SEMA3A: variants seen among roughly 807,000 people sequenced by gnomAD.
SEMA3A encodes the protein semaphorin-3A.
SEMA3A carries 29 observed loss-of-function variants against 97.9 expected under a neutral mutation model. The ratio of observed to expected loss-of-function variants is 0.30; its 90% CI spans 0.22 to 0.40. The LOEUF (loss-of-function observed/expected upper bound fraction) is 0.40. Ranked by LOEUF, SEMA3A falls within the 10% of genes least tolerant of loss-of-function variation. The pLI is 1.00. For synonymous variants in SEMA3A, 321 were observed against 323.7 expected, an observed-to-expected ratio of 0.99 and a Z score of 0.09; for missense variants, 763 against 951.3, an observed-to-expected ratio of 0.80 and a Z score of 2.60.
At chr7:84,354,754 A>G (rs1034932018) in intron 2 of SEMA3A, among the ~76,000 whole-genome samples, 1 of 151,654 alleles carries the variant, frequency 6.6e-6, no homozygotes, top group Non-Finnish European at 1.5e-5. Context: ...TGAATTACAA[A>G]TGTCATATTT....
At chr7:84,288,688 A>G (rs1800657590) in intron 3 of SEMA3A, among the ~76,000 whole-genome samples, 1 of 151,960 alleles carries the variant, frequency 6.6e-6, no homozygotes, top group African/African-American at 2.4e-5. Context: ...ACACAGCAAG[A>G]CTCCATCAAA....
At chr7:84,017,434 G>C (rs1263148741) in intron 6 of SEMA3A, among the ~76,000 whole-genome samples, 1 of 152,052 alleles carries the variant, frequency 6.6e-6, no homozygotes, top group African/African-American at 2.4e-5. Context: ...CCAAAAAATA[G>C]AAGTATGCAC....
intron 1 of SEMA3A, among the ~76,000 whole-genome samples, chr7:84,443,959 T>C (rs1805339431): frequency 6.9e-6 from 1 of 143,904 alleles, no homozygotes; most frequent in Admixed American, 7.3e-5. Flanking sequence ...TGATCTTGGC[T>C]CCCTTCAACC....
At chr7:84,049,835 G>T (rs1792529840) in intron 5 of SEMA3A, among the ~76,000 whole-genome samples, 1 of 148,362 alleles carries the variant, frequency 6.7e-6, no homozygotes, top group African/African-American at 2.5e-5. Context: ...TCTAGCATTA[G>T]GTATATCTCC....
intron 2 of SEMA3A, among the ~76,000 whole-genome samples, chr7:84,365,988 G>A (rs2372453): frequency 6.6e-6 from 1 of 150,944 alleles, no homozygotes; most frequent in East Asian, 1.9e-4. Context: ...AAAAAAAGTG[G>A]AGACACTACT....
intron 6 of SEMA3A, among the ~76,000 whole-genome samples, chr7:84,017,694 T>A (rs1428595751): frequency 6.6e-6 from 1 of 152,164 alleles, no homozygotes; most frequent in Non-Finnish European, 1.5e-5. Flanking sequence ...CACCACACAT[T>A]TTCTACTTCT....
intron 1 of SEMA3A, among the ~76,000 whole-genome samples, chr7:84,184,490 C>T (rs1299544323): frequency 6.6e-6 from 1 of 151,968 alleles, no homozygotes; most frequent in Non-Finnish European, 1.5e-5. Context: ...TTCCCATATC[C>T]CAAAACGAGA....
At chr7:84,143,481 T>C (rs1796359760) in intron 1 of SEMA3A, among the ~76,000 whole-genome samples, 1 of 140,578 alleles carries the variant, frequency 7.1e-6, no homozygotes, top group South Asian at 2.3e-4. Context: ...TCATAGAGAT[T>C]GCATCCATAG....
At chr7:83,998,762 A>G (rs1790321001) in intron 12 of SEMA3A, among the ~76,000 whole-genome samples, 1 of 152,048 alleles carries the variant, frequency 6.6e-6, no homozygotes, top group African/African-American at 2.4e-5. Context: ...ATAAATTATT[A>G]TTATTTTTAA....
chr7:83,963,362 G>C lies in SEMA3A; in HGVS notation c.1718-15C>G. 6.3e-7 allele frequency: 1 copy of C among 1,598,780 alleles called. No individual in the cohort carries two copies. Among genetic ancestry groups the C allele is most frequent in the Non-Finnish European group, 8.5e-7 (1 of 1,170,746 alleles). ...ATGGTGATTATCTGGCCAGTGATGA[G>C]AAAATGCAATGAGAAAATATTAGAG... On this transcript the variant is annotated splice_polypyrimidine_tract_variant and intron_variant, in intron 15 of 16. Transcript: ENST00000265362.
At chr7:84,306,072 A>T (rs1019992320) in intron 3 of SEMA3A, among the ~76,000 whole-genome samples, 2 of 151,906 alleles carry the variant, frequency 1.3e-5, no homozygotes, top group African/African-American at 2.4e-5. Context: ...TATATTTCCC[A>T]TAAAAGAATC....
rs554107774 is a variant in SEMA3A at position 84,097,395 on chromosome 7, G to A, written c.453+13075C>T. Among the ~76,000 whole-genome samples, 9 of 152,186 alleles carry A rather than the reference G, an allele frequency of 5.9e-5. No homozygotes were observed. In the South Asian group the frequency reaches 1.5e-3, roughly 25 times the overall value. ...GTGTACATGCATAGTGAATAGATAA[G>A]TATTTTTTAATCACAACAAAAATAC... On this transcript the variant is annotated intron_variant, in intron 4 of 16. Transcript: ENST00000265362.
At chr7:84,239,762 G>A (rs1421955305) in intron 3 of SEMA3A, among the ~76,000 whole-genome samples, 1 of 151,996 alleles carries the variant, frequency 6.6e-6, no homozygotes, top group African/African-American at 2.4e-5. Context: ...ACCATCTTTG[G>A]AGGCCATCTT....
At position 84,066,237 on chromosome 7, in the gene SEMA3A, C is replaced by G. The variant is rs754910906; in HGVS notation, c.454-5679G>C. Among the ~76,000 whole-genome samples the G allele has an allele frequency of 9.5e-3, 1,440 of 152,082 alleles. 16 individuals carry two copies. The highest frequency in any genetic ancestry group is 0.015 in the Non-Finnish European group (1,045 of 67,978). On this transcript the variant is annotated intron_variant, in intron 4 of 16. Coordinates refer to ENST00000265362, the MANE Select transcript of SEMA3A (RefSeq NM_006080.3). ...ATTCAACAACACTTCATGCTAAAAACTCTCAATAAATTAGGTATTGATGGG... is the reference window on the plus strand; with the variant it reads ...ATTCAACAACACTTCATGCTAAAAAGTCTCAATAAATTAGGTATTGATGGG...
chr7:84,215,390 A>G (rs1294638883), intron 3 of SEMA3A, among the ~76,000 whole-genome samples: 1 of 146,806 alleles, frequency 6.8e-6, no homozygotes, highest in East Asian at 2.1e-4. Context: ...GTTTCACCAT[A>G]TTGGCCAGGC....
chr7:84,350,190 T>C (rs538843370), intron 2 of SEMA3A, among the ~76,000 whole-genome samples: 3 of 152,174 alleles, frequency 2.0e-5, no homozygotes, highest in Non-Finnish European at 4.4e-5. Context: ...ATGTTTCTCA[T>C]ACCAATTCAT....
intron 2 of SEMA3A, among the ~76,000 whole-genome samples, chr7:84,349,970 T>A (rs1802395915): frequency 6.6e-6 from 1 of 152,040 alleles, no homozygotes; most frequent in African/African-American, 2.4e-5. Flanking sequence ...CTCCAGGGTA[T>A]ATAAATATAT....
At chr7:84,058,252 CT>C (rs994618458) in intron 5 of SEMA3A, among the ~76,000 whole-genome samples, 1 of 152,148 alleles carries the variant, frequency 6.6e-6, no homozygotes, top group Non-Finnish European at 1.5e-5. Flanking sequence ...TATCCAAAAG[CT>C]TTTGGGAACA....
At chr7:84,452,336 A>C (rs1253860902) in intron 1 of SEMA3A, among the ~76,000 whole-genome samples, 1 of 152,210 alleles carries the variant, frequency 6.6e-6, no homozygotes, top group Non-Finnish European at 1.5e-5. Context: ...GTGACGTGCC[A>C]TAAGGCTTCC....
Sources: gnomAD v4.1 joint callset for allele counts (sites outside exome capture counted in the v4.1 genomes callset) on GRCh38, gnomAD v4.1.1 for gene constraint, MANE v1.5 for transcripts, NCBI Gene and HGNC (gene_info 2026-07-23, HGNC 2026-07-21) for gene names.